Variants in TRANK1 observed in about 807,000 individuals in gnomAD.
TRANK1 encodes TPR and ankyrin repeat-containing protein 1.
A neutral mutation model predicts 266.0 loss-of-function variants in TRANK1; 198 were observed. That is an observed-to-expected ratio of 0.74 (90% confidence interval 0.66 to 0.84). TRANK1 has a LOEUF of 0.84. TRANK1 is among the 40% of genes least tolerant of loss of function. The pLI is 0.00. For missense variants in TRANK1, 3,326 were observed against 3,634.6 expected (o/e 0.92, Z 2.18); for synonymous variants, 1,396 against 1,384.1 (o/e 1.01, Z -0.19).
At chr3:36,883,119 T>C (rs1428623687) in intron 8 of TRANK1, among the ~76,000 whole-genome samples, 1 of 152,096 alleles carries the variant, frequency 6.6e-6, no homozygotes, top group Non-Finnish European at 1.5e-5. Context: ...TGAATTAATA[T>C]GGAGTGATTT....
At chr3:36,887,135 T>A (rs1315607572) in intron 8 of TRANK1, among the ~76,000 whole-genome samples, 3 of 152,106 alleles carry the variant, frequency 2.0e-5, no homozygotes, top group African/African-American at 7.2e-5. Context: ...ACTATTTTTT[T>A]ATTGAAGATT....
At chr3:36,865,185 G>A (rs976822409) in intron 9 of TRANK1, among the ~76,000 whole-genome samples, 2 of 151,718 alleles carry the variant, frequency 1.3e-5, no homozygotes, top group East Asian at 1.9e-4. Flanking sequence ...TTGCCACCGC[G>A]CCTGGCTAAT....
At position 36,838,689 on chromosome 3, in the gene TRANK1, C is replaced by T. The variant is rs566880855; in HGVS notation, c.5308G>A (p.Gly1770Ser). The change falls in exon 19 of 24, where the codon GGT becomes AGT. Residue 1770 changes from glycine to serine, a missense_variant. By Grantham distance (56) the Gly-to-Ser change is moderately conservative. Coordinates refer to ENST00000645898, the MANE Select transcript of TRANK1 (RefSeq NM_001329998.2). Reference protein sequence around the residue: ...KVAAKCYQKGGAFEKEKLALA... With the variant: ...KVAAKCYQKGSAFEKEKLALA... The stretch of plus-strand genomic sequence containing the variant: ...GCCAACTTCTCCTTCTCAAATGCAC[C>T]TCCTTTCTGGTAACACTTGGCTGCA... 1.9e-6 allele frequency: 3 copies of T among 1,613,718 alleles called. No individual in the cohort carries two copies. The South Asian group carries it at 3.3e-5, about 18-fold the overall frequency.
At chr3:36,886,688 G>A (rs534907803) in intron 8 of TRANK1, among the ~76,000 whole-genome samples, 18 of 151,828 alleles carry the variant, frequency 1.2e-4, no homozygotes, top group Admixed American at 2.6e-4. Flanking sequence ...TGAGGCTGGC[G>A]GATCACAAGG....
intron 9 of TRANK1, among the ~76,000 whole-genome samples, chr3:36,868,475 A>G (rs1217676552): frequency 6.6e-6 from 1 of 152,238 alleles, no homozygotes; most frequent in East Asian, 1.9e-4. Flanking sequence ...AAATTATTTC[A>G]AAAGGAGATT....
At chr3:36,896,653 G>A (rs529811927) in intron 4 of TRANK1, among the ~76,000 whole-genome samples, 1 of 152,296 alleles carries the variant, frequency 6.6e-6, no homozygotes, top group South Asian at 2.1e-4. Flanking sequence ...GCAGTTGTTT[G>A]GAATTCCCAT....
In TRANK1 at chr3:36,858,906, G is replaced by C; in HGVS notation, c.1496-12C>G. On this transcript the variant is annotated splice_polypyrimidine_tract_variant and intron_variant, in intron 11 of 23. Coordinates refer to ENST00000645898, the MANE Select transcript of TRANK1 (RefSeq NM_001329998.2). ...ACCATCAGGCAAGGCTGGGAGAGGA[G>C]AGAAGGGAAGCGCAATGTGAGCAGG... is the stretch of plus-strand genomic sequence containing the variant. 2.0e-6 allele frequency: 3 copies of C among 1,528,594 alleles called. No homozygotes were observed. The highest frequency in any genetic ancestry group is 1.8e-6 in the Non-Finnish European group (2 of 1,142,832). The allele number at this position is 1,528,594 out of a possible 1,614,324, so 94.7% of individuals were successfully genotyped here. A position where few individuals can be genotyped will look rare whatever the true frequency, so the allele number is the denominator to read the frequency against.
Position 36,828,298 on chromosome 3 carries a change from A to C in TRANK1, c.8887T>G (p.Cys2963Gly). ...CATTAGTATTTTCTCTGCTTTCCACATTTCCGAGAACGCCTTCTAGGCCGA... is the reference window on the plus strand; with the variant it reads ...CATTAGTATTTTCTCTGCTTTCCACCTTTCCGAGAACGCCTTCTAGGCCGA... The part of the protein sequence containing the change: ...ELRPRRRSRK[C>G]GKQRKY The change falls in exon 24 of 24, where the codon TGT becomes GGT. Residue 2963 changes from cysteine (C) to glycine (G), a missense_variant. Cys to Gly is a radical substitution (Grantham distance 159). Coordinates refer to ENST00000645898, the MANE Select transcript of TRANK1 (RefSeq NM_001329998.2). 1 of 1,612,428 alleles carries C rather than the reference A, an allele frequency of 6.2e-7. No homozygotes were observed. The highest frequency in any genetic ancestry group is 2.2e-5 in the East Asian group (1 of 44,864).
intron 8 of TRANK1, among the ~76,000 whole-genome samples, chr3:36,879,870 A>ATATACAAATATATGTAAT: frequency 9.4e-6 from 1 of 106,164 alleles, no homozygotes; most frequent in Admixed American, 1.1e-4. Context: ...ATATATGTAA[A>ATATACAAATATATGTAAT]CATACAAATA....
At chr3:36,894,624 T>A (rs2079761062) in intron 5 of TRANK1, among the ~76,000 whole-genome samples, 1 of 152,198 alleles carries the variant, frequency 6.6e-6, no homozygotes, top group African/African-American at 2.4e-5. Context: ...ATGAACCCCC[T>A]GAAACTATAC....
intron 15 of TRANK1, among the ~76,000 whole-genome samples, chr3:36,849,128 T>A (rs755472551): frequency 1.1e-4 from 17 of 152,284 alleles, no homozygotes; most frequent in Non-Finnish European, 2.1e-4. Context: ...GGAAAAGGCT[T>A]AGATTTTACT....
chr3:36,900,851 CAAAAAAAAAAAA>C (rs138198488), intron 3 of TRANK1, among the ~76,000 whole-genome samples: 12 of 63,016 alleles, frequency 1.9e-4, no homozygotes, highest in Non-Finnish European at 2.7e-4. Flanking sequence ...GACCCTGTCT[CAAAAAAAAAAAA>C]AAAAAAAAAA....
At chr3:36,865,974 C>CAG (rs554994287) in intron 9 of TRANK1, among the ~76,000 whole-genome samples, 1 of 140,486 alleles carries the variant, frequency 7.1e-6, no homozygotes, top group Non-Finnish European at 1.6e-5. Context: ...GAGACAGAGA[C>CAG]AGAGAGAGAG....
chr3:36,885,997 G>A (rs886371676), intron 8 of TRANK1, among the ~76,000 whole-genome samples: 1 of 151,806 alleles, frequency 6.6e-6, no homozygotes, highest in Non-Finnish European at 1.5e-5. Flanking sequence ...AGATGAAGAG[G>A]GTATGGGAGA....
chr3:36,930,787 G>A (rs1043661505), intron 1 of TRANK1, among the ~76,000 whole-genome samples: 6 of 152,056 alleles, frequency 3.9e-5, no homozygotes, highest in African/African-American at 7.2e-5. Context: ...AAAAGAGAGG[G>A]GGACTGACTG....
intron 8 of TRANK1, among the ~76,000 whole-genome samples, chr3:36,881,330 T>C (rs1174790073): frequency 6.6e-6 from 1 of 152,054 alleles, no homozygotes; most frequent in Non-Finnish European, 1.5e-5. Context: ...CATGCGCCTG[T>C]AGTCCCAGAT....
intron 8 of TRANK1, among the ~76,000 whole-genome samples, chr3:36,881,356 G>A (rs2125590217): frequency 6.6e-6 from 1 of 152,220 alleles, no homozygotes; most frequent in East Asian, 1.9e-4. Flanking sequence ...GGAGGCTGAG[G>A]CAGAATGGCG....
intron 1 of TRANK1, among the ~76,000 whole-genome samples, chr3:36,913,776 G>C (rs2080086949): frequency 6.6e-6 from 1 of 152,030 alleles, no homozygotes; most frequent in Admixed American, 6.6e-5. Context: ...CCTACCCAGG[G>C]CATTTAAATA....
At chr3:36,872,356 C>T (rs1185495600) in intron 9 of TRANK1, among the ~76,000 whole-genome samples, 1 of 152,006 alleles carries the variant, frequency 6.6e-6, no homozygotes, top group African/African-American at 2.4e-5. Context: ...GAGCTGAGAT[C>T]GCATCACTGC....
Sources: gnomAD v4.1 joint callset for allele counts (sites outside exome capture counted in the v4.1 genomes callset) on GRCh38, gnomAD v4.1.1 for gene constraint, MANE v1.5 for transcripts, NCBI Gene and HGNC (gene_info 2026-07-23, HGNC 2026-07-21) for gene names.